DOCK9: variants seen among roughly 807,000 people sequenced by gnomAD.
DOCK9 encodes dedicator of cytokinesis protein 9.
In DOCK9, 89 loss-of-function variants were observed where a neutral mutation model predicts 263.3. That is an observed-to-expected ratio of 0.34 (90% CI 0.28 to 0.40). DOCK9 has a LOEUF of 0.40. Ranked by LOEUF, DOCK9 falls within the 10% of genes least tolerant of loss-of-function variation. DOCK9 has a pLI of 1.00. For missense variants in DOCK9, 2,140 were observed against 2,603.4 expected (o/e 0.82, Z 3.87); for synonymous variants, 976 against 973.1 (o/e 1.00, Z -0.06).
At chr13:98,921,986 T>G in intron 6 of DOCK9, 65 bp downstream of exon 6, 2 of 1,316,356 alleles carry the variant, frequency 1.5e-6, no homozygotes, top group East Asian at 2.6e-5. Context: ...TCTTGAGCAT[T>G]GTTCTCGAGC....
At chr13:98,998,442 G>A (rs187518565) in intron 1 of DOCK9, among the ~76,000 whole-genome samples, 108 of 152,224 alleles carry the variant, frequency 7.1e-4, no homozygotes, top group Middle Eastern at 3.4e-3. Flanking sequence ...TTTTAACCTC[G>A]GATGCACTTA....
intron 1 of DOCK9, among the ~76,000 whole-genome samples, chr13:99,071,960 C>T (rs2041700009): frequency 6.6e-6 from 1 of 152,194 alleles, no homozygotes; most frequent in African/African-American, 2.4e-5. Context: ...GAGACCTCTT[C>T]TGTTAATTGC....
At chr13:98,821,295 T>C (rs79555879) in intron 45 of DOCK9, among the ~76,000 whole-genome samples, 2,631 of 152,126 alleles carry the variant, frequency 0.017, 34 homozygotes, top group East Asian at 0.051. Flanking sequence ...GTTACTCCTT[T>C]CCTCCCTGCG....
chr13:98,866,308 G>T (rs542995840), intron 30 of DOCK9, among the ~76,000 whole-genome samples: 1 of 152,340 alleles, frequency 6.6e-6, no homozygotes, highest in African/African-American at 2.4e-5. Context: ...GCTCGACACA[G>T]TTGGTGCGGG....
At chr13:99,084,144 A>C (rs1013320512) in intron 1 of DOCK9, among the ~76,000 whole-genome samples, 1 of 152,192 alleles carries the variant, frequency 6.6e-6, no homozygotes, top group African/African-American at 2.4e-5. Context: ...CTTATGTGGC[A>C]GGTGCACCTG....
At chr13:98,930,907 G>C in intron 2 of DOCK9, among the ~76,000 whole-genome samples, 1 of 152,204 alleles carries the variant, frequency 6.6e-6, no homozygotes, top group East Asian at 1.9e-4. Context: ...GCCTCCCAAA[G>C]TGCTGGGATT....
chr13:99,049,683 T>C (rs1028798903), intron 1 of DOCK9, among the ~76,000 whole-genome samples: 4 of 152,120 alleles, frequency 2.6e-5, no homozygotes, highest in African/African-American at 9.7e-5. Context: ...TTCAGCTAAT[T>C]TTCTACAATT....
chr13:99,084,264 C>G (rs2042242938), intron 1 of DOCK9, among the ~76,000 whole-genome samples: 1 of 152,168 alleles, frequency 6.6e-6, no homozygotes, highest in East Asian at 1.9e-4. Flanking sequence ...TATCTGTAAG[C>G]CCTCCCAGAT....
chr13:98,831,475 T>G lies in DOCK9; in HGVS notation c.4508A>C (p.Glu1503Ala). The change falls in exon 41 of 53, where the codon GAG (glutamate) becomes GCG (alanine). Residue 1503 changes from glutamate to alanine, a missense_variant. Glu to Ala is a moderately radical substitution (Grantham distance 107, BLOSUM62 -1). Around this residue, in one of 2 missense-constraint regions of DOCK9, gnomAD observed 619 missense variants for 861.8 expected, o/e 0.72. Transcript: ENST00000682017. ...CTTGGAGTTACAGCACTTGAGAATCTCGTAACACAGAGCCGCACACATGTC... is the reference window on the plus strand; with the variant it reads ...CTTGGAGTTACAGCACTTGAGAATCGCGTAACACAGAGCCGCACACATGTC... ...RADMCAALCY[E>A]ILKCCNSKLS... 1 of 1,593,836 alleles carries G rather than the reference T, an allele frequency of 6.3e-7. No homozygotes were observed. Among genetic ancestry groups the G allele is most frequent in the Non-Finnish European group, 8.5e-7 (1 of 1,169,670 alleles).
intron 1 of DOCK9, chr13:99,015,468 T>C (rs1409128016): frequency 5.6e-6 from 9 of 1,596,526 alleles, no homozygotes; most frequent in Non-Finnish European, 7.6e-6. Context: ...AGATCAATAG[T>C]TCTGAATCTT....
At chr13:98,906,517 GTC>G (rs1279772023) in intron 9 of DOCK9, among the ~76,000 whole-genome samples, 1 of 152,144 alleles carries the variant, frequency 6.6e-6, no homozygotes, top group Non-Finnish European at 1.5e-5. Flanking sequence ...CCACAGTTAA[GTC>G]TATGGAGTCG....
chr13:99,072,657 C>T (rs772944858), intron 1 of DOCK9, among the ~76,000 whole-genome samples: 19 of 152,318 alleles, frequency 1.2e-4, no homozygotes, highest in Admixed American at 4.6e-4. Flanking sequence ...AACACCCATT[C>T]TAAATTGTTC....
At chr13:99,068,409 C>T (rs1250402172) in intron 1 of DOCK9, among the ~76,000 whole-genome samples, 1 of 152,142 alleles carries the variant, frequency 6.6e-6, no homozygotes, top group Non-Finnish European at 1.5e-5. Context: ...ATGGAGATAA[C>T]CCCATCTCTA....
intron 1 of DOCK9, among the ~76,000 whole-genome samples, chr13:99,001,076 G>A (rs1312203928): frequency 6.6e-6 from 1 of 152,224 alleles, no homozygotes; most frequent in Non-Finnish European, 1.5e-5. Flanking sequence ...CTCTCAGCAA[G>A]GAAAGGCCTT....
intron 1 of DOCK9, among the ~76,000 whole-genome samples, chr13:98,999,771 G>A (rs1252084583): frequency 6.6e-6 from 1 of 152,090 alleles, no homozygotes; most frequent in Non-Finnish European, 1.5e-5. Context: ...AACTATCAGC[G>A]TTTCCACTTG....
chr13:98,950,371 T>G (rs1469315131), intron 2 of DOCK9: 3 of 940,454 alleles, frequency 3.2e-6, no homozygotes, highest in Non-Finnish European at 5.0e-6. Flanking sequence ...CTGAGTGGCT[T>G]TGAGGGCTTG....
At chr13:98,827,244 T>C (rs891525666) in intron 43 of DOCK9, among the ~76,000 whole-genome samples, 1 of 152,226 alleles carries the variant, frequency 6.6e-6, no homozygotes, top group African/African-American at 2.4e-5. Context: ...GAAGAAAACA[T>C]GTGCTCCTCC....
intron 1 of DOCK9, among the ~76,000 whole-genome samples, chr13:98,963,222 C>G (rs1478040672): frequency 6.6e-6 from 1 of 152,194 alleles, no homozygotes; most frequent in Non-Finnish European, 1.5e-5. Flanking sequence ...CATGATCCCC[C>G]CACCCTTCAA....
chr13:98,884,885 T>G (rs2045433040), intron 21 of DOCK9, 86 bp downstream of exon 21: 3 of 1,437,152 alleles, frequency 2.1e-6, no homozygotes, highest in Non-Finnish European at 2.8e-6. Context: ...AAATACTGTT[T>G]GCTTTTTGTG....
Sources: gnomAD v4.1 joint callset for allele counts (sites outside exome capture counted in the v4.1 genomes callset) on GRCh38, gnomAD v4.1.1 for gene constraint, gnomAD v4.1.1 regional missense constraint, MANE v1.5 for transcripts, NCBI Gene and HGNC (gene_info 2026-07-23, HGNC 2026-07-21) for gene names.